Variants in AHI1 observed in about 807,000 individuals in gnomAD.
AHI1 encodes Abelson helper integration site 1.
Under a neutral mutation model 149.3 loss-of-function variants are expected in AHI1, and 123 were observed. The ratio of observed to expected loss-of-function variants is 0.82; its 90% CI spans 0.71 to 0.96. The LOEUF (loss-of-function observed/expected upper bound fraction) is 0.96. Among genes scored for constraint, AHI1 ranks in the 40% least tolerant of loss-of-function variants. The pLI is 0.00. For missense variants in AHI1, 1,439 were observed against 1,422.7 expected (o/e 1.01, Z -0.18); for synonymous variants, 475 against 459.8 (o/e 1.03, Z -0.42).
intron 23 of AHI1, among the ~76,000 whole-genome samples, chr6:135,358,661 A>C (rs1422915661): frequency 2.6e-5 from 4 of 152,200 alleles, no homozygotes; most frequent in Non-Finnish European, 4.4e-5. Flanking sequence ...GACATACTCT[A>C]TTTATTCAAT....
chr6:135,414,159 A>G (rs1782008852), intron 20 of AHI1, among the ~76,000 whole-genome samples: 1 of 152,198 alleles, frequency 6.6e-6, no homozygotes, highest in African/African-American at 2.4e-5. Flanking sequence ...TAGAGTGCCC[A>G]GGGTGTATAG....
intron 23 of AHI1, among the ~76,000 whole-genome samples, chr6:135,360,661 A>C (rs1793719927): frequency 6.6e-6 from 1 of 152,220 alleles, no homozygotes; most frequent in Non-Finnish European, 1.5e-5. Flanking sequence ...AATAAATAAA[A>C]ATGCTATTGC....
At chr6:135,441,384 G>C (rs1275262811) in intron 14 of AHI1, among the ~76,000 whole-genome samples, 2 of 136,930 alleles carry the variant, frequency 1.5e-5, no homozygotes, top group Non-Finnish European at 3.3e-5. Context: ...CCCAGAAGAA[G>C]AAAGAGAAAA....
chr6:135,468,375 G>T (rs1791140830), intron 5 of AHI1, among the ~76,000 whole-genome samples: 1 of 152,036 alleles, frequency 6.6e-6, no homozygotes, highest in Non-Finnish European at 1.5e-5. Flanking sequence ...GATCAGAGCA[G>T]AAATAAAGGA....
chr6:135,302,995 A>G (rs1333047640), intron 26 of AHI1, among the ~76,000 whole-genome samples: 1 of 152,202 alleles, frequency 6.6e-6, no homozygotes, highest in East Asian at 1.9e-4. Flanking sequence ...GGATGAAGAG[A>G]GGAAAAACGA....
intron 23 of AHI1, among the ~76,000 whole-genome samples, chr6:135,385,748 C>T (rs759220835): frequency 2.2e-4 from 33 of 152,100 alleles, no homozygotes; most frequent in Admixed American, 1.5e-3. Context: ...GTAAGCTAAA[C>T]AGGCTGTGAA....
intron 24 of AHI1, among the ~76,000 whole-genome samples, chr6:135,337,784 A>AAAAG (rs1207931735): frequency 1.3e-5 from 2 of 151,398 alleles, no homozygotes; most frequent in African/African-American, 4.9e-5. Context: ...AAAAAAAAAA[A>AAAAG]AAGGCTGTGA....
chr6:135,456,882 T>G (rs1336640452), intron 9 of AHI1, among the ~76,000 whole-genome samples: 1 of 152,224 alleles, frequency 6.6e-6, no homozygotes, highest in Non-Finnish European at 1.5e-5. Flanking sequence ...GTTAGACAAT[T>G]AAAGCATTTA....
rs376862061 is a variant in AHI1 at position 135,434,662 on chromosome 6, T to C, written c.2037-1406A>G. 3.0e-4 allele frequency among the ~76,000 whole-genome samples: 45 copies of C among 152,010 alleles called. No homozygotes were observed. The South Asian group carries it at 6.2e-3, about 21-fold the overall frequency. ...ATGATGGTTTCTGTTACCCAGGCCA[T>C]GGTAGAATCTGAGATTAAAATAAAT... On this transcript the variant is annotated intron_variant, in intron 15 of 28. Transcript: ENST00000265602.
chr6:135,288,531 C>A (rs1781955809), intron 28 of AHI1, among the ~76,000 whole-genome samples: 1 of 151,896 alleles, frequency 6.6e-6, no homozygotes, highest in African/African-American at 2.4e-5. Context: ...TTACCATAAT[C>A]TTACTACTCA....
intron 20 of AHI1, among the ~76,000 whole-genome samples, chr6:135,421,437 A>T (rs972502724): frequency 6.6e-6 from 1 of 152,142 alleles, no homozygotes; most frequent in African/African-American, 2.4e-5. Flanking sequence ...TTATAGTTTC[A>T]TTTTATCCTT....
At chr6:135,359,791 T>C (rs1410084690) in intron 23 of AHI1, among the ~76,000 whole-genome samples, 2 of 152,128 alleles carry the variant, frequency 1.3e-5, no homozygotes, top group African/African-American at 4.8e-5. Flanking sequence ...TAAATTCTTA[T>C]CTAAACAGAA....
In AHI1 at chr6:135,283,592, C is replaced by G. The variant is rs1781452240; in HGVS notation, c.*2053G>C. 1 of 152,152 alleles carries G rather than the reference C, an allele frequency of 6.6e-6. No individual in the cohort carries two copies. Among genetic ancestry groups the G allele is most frequent in the African/African-American group, 2.4e-5 (1 of 41,416 alleles). 9.4% of individuals were successfully genotyped at this position (152,152 alleles called of 1,614,324 possible). A position where few individuals can be genotyped will look rare whatever the true frequency, so the allele number is the denominator to read the frequency against. On this transcript the variant is annotated 3_prime_UTR_variant, in exon 29 of 29. Transcript: ENST00000265602. The stretch of plus-strand genomic sequence containing the variant: ...CAAATGGATTCTGGTGTCTGATTTT[C>G]TGCTTGATTATCAGCTGGATCTATT...
chr6:135,473,075 T>C (rs1020240577), intron 5 of AHI1, among the ~76,000 whole-genome samples: 1 of 152,190 alleles, frequency 6.6e-6, no homozygotes, highest in Non-Finnish European at 1.5e-5. Context: ...ATGTTTCTCT[T>C]ATAAGTTCTA....
At chr6:135,318,043 T>C (rs1172632385) in intron 26 of AHI1, among the ~76,000 whole-genome samples, 1 of 152,244 alleles carries the variant, frequency 6.6e-6, no homozygotes, top group Non-Finnish European at 1.5e-5. Context: ...TTTCTCTGGC[T>C]ACTCTGGCTG....
intron 26 of AHI1, chr6:135,301,712 C>T (rs1562461057): frequency 2.0e-6 from 2 of 985,222 alleles, no homozygotes; most frequent in Admixed American, 1.2e-4. Context: ...AACAGGTGAC[C>T]CATTTGGTAG....
At chr6:135,364,387 A>G (rs1255985512) in intron 23 of AHI1, among the ~76,000 whole-genome samples, 1 of 150,098 alleles carries the variant, frequency 6.7e-6, no homozygotes, top group East Asian at 2.0e-4. Flanking sequence ...AGCCGGGCAG[A>G]GACGCTCCTC....
intron 2 of AHI1, among the ~76,000 whole-genome samples, chr6:135,496,818 C>T (rs1280073846): frequency 1.3e-5 from 2 of 152,220 alleles, no homozygotes; most frequent in South Asian, 2.1e-4. Context: ...AAACAAGATT[C>T]TAACTTCATA....
chr6:135,292,826 G>A (rs13201690), intron 27 of AHI1, among the ~76,000 whole-genome samples: 4,810 of 152,232 alleles, frequency 0.032, 104 homozygotes, highest in Non-Finnish European at 0.051. Context: ...ACACAAGGAG[G>A]AAGTAATACT....
Sources: allele counts gnomAD v4.1 joint callset (sites outside exome capture counted in the v4.1 genomes callset), GRCh38; gene constraint gnomAD v4.1.1; transcripts MANE v1.5; gene names NCBI Gene and HGNC (gene_info 2026-07-23, HGNC 2026-07-21).